The following KCNH8 variants were observed in gnomAD, a reference collection of about 807,000 sequenced individuals.
The protein encoded by KCNH8 is voltage-gated delayed rectifier potassium channel KCNH8.
A neutral mutation model predicts 103.6 loss-of-function variants in KCNH8; 70 were observed. That is an observed-to-expected ratio of 0.68 (90% CI 0.56 to 0.82). The LOEUF (loss-of-function observed/expected upper bound fraction) is 0.82, where lower values mean the gene tolerates loss of function less well. Among genes scored for constraint, KCNH8 ranks in the 40% least tolerant of loss-of-function variants. KCNH8 has a pLI of 0.00. For missense variants in KCNH8, 1,217 were observed against 1,329.9 expected (o/e 0.92, Z 1.32); for synonymous variants, 498 against 489.4 (o/e 1.02, Z -0.23).
chr3:19,397,163 A>G (rs1472219593), intron 7 of KCNH8, among the ~76,000 whole-genome samples: 2 of 151,914 alleles, frequency 1.3e-5, no homozygotes, highest in African/African-American at 4.8e-5. Flanking sequence ...TTGCTTCTAT[A>G]TTTACCCCCT....
intron 7 of KCNH8, among the ~76,000 whole-genome samples, chr3:19,435,732 T>G (rs1409917131): frequency 6.6e-6 from 1 of 152,172 alleles, no homozygotes; most frequent in Non-Finnish European, 1.5e-5. Context: ...TACTAGGTGG[T>G]TTTTCATATT....
rs142034360 is a variant in KCNH8, at chr3:19,507,785, G to A, written c.2041-2578G>A. Among the ~76,000 whole-genome samples the A allele has an allele frequency of 2.5e-3, 377 of 152,252 alleles. 2 individuals are homozygous for A. The highest frequency in any genetic ancestry group is 3.9e-3 in the Non-Finnish European group (262 of 68,012). ...ATCTGCACCAGTCCCTTGTCACCACGTACCTTCTGGAAGCCTGAAGGCAAC... is the reference window on the plus strand; with the variant it reads ...ATCTGCACCAGTCCCTTGTCACCACATACCTTCTGGAAGCCTGAAGGCAAC... On this transcript the variant is annotated intron_variant, in intron 11 of 15. Coordinates refer to ENST00000328405, the MANE Select transcript of KCNH8 (RefSeq NM_144633.3).
In KCNH8 at chr3:19,515,341, G is replaced by C; in HGVS notation, c.2455G>C (p.Asp819His). Residue 819 changes from aspartate (D) to histidine (H), a missense_variant, in exon 14 of 16, where the codon GAT becomes CAT. Asp to His is a moderately conservative substitution (Grantham distance 81). Around this residue, in one of 3 missense-constraint regions of KCNH8, gnomAD observed 558 missense variants for 495.8 expected, o/e 1.13. Coordinates refer to ENST00000328405, the MANE Select transcript of KCNH8 (RefSeq NM_144633.3). Reference protein sequence around the residue: ...LSPRIVDGIEDGNSSEESQTF... With the variant: ...LSPRIVDGIEHGNSSEESQTF... ...AAGTAGGATTGTTGATGGAATTGAA[G>C]ATGGAAACAGCAGTGAAGAAAGTCA... 1 of 1,593,592 alleles carries C rather than the reference G, an allele frequency of 6.3e-7. No homozygotes were observed. Among genetic ancestry groups the C allele is most frequent in the East Asian group, 2.3e-5 (1 of 44,128 alleles).
chr3:19,237,269 G>A (rs2064078459), intron 1 of KCNH8, among the ~76,000 whole-genome samples: 1 of 152,152 alleles, frequency 6.6e-6, no homozygotes, highest in Non-Finnish European at 1.5e-5. Context: ...GCTGCCCATG[G>A]CCTCTGTGGG....
intron 1 of KCNH8, among the ~76,000 whole-genome samples, chr3:19,156,935 A>G (rs1233515844): frequency 2.0e-5 from 3 of 150,868 alleles, no homozygotes; most frequent in Non-Finnish European, 4.4e-5. Flanking sequence ...AAGTAAGGGT[A>G]GTTAGCCCTC....
At chr3:19,292,275 A>C (rs113759288) in intron 3 of KCNH8, among the ~76,000 whole-genome samples, 198 of 152,308 alleles carry the variant, frequency 1.3e-3, no homozygotes, top group African/African-American at 4.4e-3. Flanking sequence ...ATTTCTAAAA[A>C]GTGAGCACTT....
At chr3:19,512,251 T>C (rs978365453) in intron 12 of KCNH8, among the ~76,000 whole-genome samples, 2 of 152,196 alleles carry the variant, frequency 1.3e-5, no homozygotes, top group South Asian at 4.1e-4. Flanking sequence ...TCCCACACTC[T>C]TTCTTTCCTC....
chr3:19,491,021 T>C (rs2068308514), intron 11 of KCNH8, among the ~76,000 whole-genome samples: 1 of 152,208 alleles, frequency 6.6e-6, no homozygotes, highest in Non-Finnish European at 1.5e-5. Flanking sequence ...GAATCTGGAT[T>C]GGTATGAAGT....
At chr3:19,273,205 A>G (rs943145617) in intron 2 of KCNH8, among the ~76,000 whole-genome samples, 2 of 152,232 alleles carry the variant, frequency 1.3e-5, no homozygotes, top group Non-Finnish European at 2.9e-5. Context: ...TTGTGCAATT[A>G]GAGAGGGTTA....
At chr3:19,298,945 A>G (rs1474679505) in intron 3 of KCNH8, among the ~76,000 whole-genome samples, 11 of 144,716 alleles carry the variant, frequency 7.6e-5, no homozygotes, top group Non-Finnish European at 7.6e-5. Context: ...AAAAAAAAAG[A>G]GAAACAATTA....
chr3:19,518,608 A>G (rs1439709367), intron 15 of KCNH8, among the ~76,000 whole-genome samples: 2 of 151,982 alleles, frequency 1.3e-5, no homozygotes, highest in Non-Finnish European at 2.9e-5. Context: ...TTTATATATC[A>G]TAAAATTTGT....
At chr3:19,533,069 T>C (rs766746484) in intron 15 of KCNH8, among the ~76,000 whole-genome samples, 1 of 151,700 alleles carries the variant, frequency 6.6e-6, no homozygotes, top group Non-Finnish European at 1.5e-5. Flanking sequence ...CTGCACGTTG[T>C]GGTGGGCGCC....
chr3:19,353,191 T>A (rs1234177723), intron 5 of KCNH8, among the ~76,000 whole-genome samples: 3 of 152,134 alleles, frequency 2.0e-5, no homozygotes, highest in Non-Finnish European at 2.9e-5. Context: ...CAGGAAGAAG[T>A]TGAATCCCTG....
chr3:19,448,572 G>A (rs934651078), intron 8 of KCNH8, among the ~76,000 whole-genome samples: 1 of 152,002 alleles, frequency 6.6e-6, no homozygotes, highest in Non-Finnish European at 1.5e-5. Flanking sequence ...AATGTAGGGG[G>A]AGAACAAGAT....
At chr3:19,326,814 G>C (rs1278157628) in intron 3 of KCNH8, among the ~76,000 whole-genome samples, 1 of 152,132 alleles carries the variant, frequency 6.6e-6, no homozygotes, top group Non-Finnish European at 1.5e-5. Flanking sequence ...AACAAAAATA[G>C]TTTTTATATT....
intron 2 of KCNH8, among the ~76,000 whole-genome samples, chr3:19,254,270 C>T (rs1196638454): frequency 6.6e-6 from 1 of 151,918 alleles, no homozygotes; most frequent in African/African-American, 2.4e-5. Context: ...CTTTAAAGAA[C>T]TACATCTCAA....
intron 1 of KCNH8, among the ~76,000 whole-genome samples, chr3:19,216,754 C>T (rs2063822072): frequency 6.6e-6 from 1 of 152,162 alleles, no homozygotes; most frequent in Non-Finnish European, 1.5e-5. Context: ...CTTTTATGTT[C>T]TCTTCAGTTT....
intron 2 of KCNH8, among the ~76,000 whole-genome samples, chr3:19,260,870 G>C (rs1406744481): frequency 1.3e-5 from 2 of 148,368 alleles, no homozygotes; most frequent in Non-Finnish European, 1.5e-5. Flanking sequence ...TTTTCTTTCT[G>C]TGTCTGGCTT....
intron 3 of KCNH8, among the ~76,000 whole-genome samples, chr3:19,306,920 G>A (rs762513448): frequency 6.6e-6 from 1 of 151,682 alleles, no homozygotes; most frequent in African/African-American, 2.4e-5. Context: ...AAGCAATCCT[G>A]AGCAAAAAAA....
Sources: allele counts gnomAD v4.1 joint callset (sites outside exome capture counted in the v4.1 genomes callset), GRCh38; gene constraint gnomAD v4.1.1; regional missense constraint gnomAD v4.1.1; transcripts MANE v1.5; gene names NCBI Gene and HGNC (gene_info 2026-07-23, HGNC 2026-07-21).